Variants in PTPRG observed in about 807,000 individuals in gnomAD.
The protein encoded by PTPRG is receptor-type tyrosine-protein phosphatase gamma.
A neutral mutation model predicts 165.3 loss-of-function variants in PTPRG; 102 were observed. The observed-to-expected ratio is 0.62, with a 90% CI of 0.53 to 0.73. The LOEUF is 0.73. Among genes scored for constraint, PTPRG ranks in the 30% least tolerant of loss-of-function variants. PTPRG has a pLI of 0.00. For missense variants in PTPRG, 1,866 were observed against 1,861.4 expected (o/e 1.00, Z -0.05); for synonymous variants, 675 against 669.5 (o/e 1.01, Z -0.13).
At chr3:62,097,498 T>C (rs1702156730) in intron 5 of PTPRG, among the ~76,000 whole-genome samples, 1 of 150,302 alleles carries the variant, frequency 6.7e-6, no homozygotes, top group Non-Finnish European at 1.5e-5. Context: ...ATGAACGCGA[T>C]TGGTGGTGGG....
rs776924029 is a variant in PTPRG at position 62,293,330 on chromosome 3, A to C, written c.*23A>C. 7 of 1,528,360 alleles carry C rather than the reference A, an allele frequency of 4.6e-6. No homozygotes were observed. In the South Asian group the frequency reaches 6.6e-5, roughly 14 times the overall value. 94.7% of individuals were successfully genotyped at this position (1,528,360 alleles called of 1,614,324 possible). ...TGACTGGAATCCTGAAAGGGCACTT[A>C]ATTTGTAAACTTCTGAAGACTGAGA... On this transcript the variant is annotated 3_prime_UTR_variant, in exon 30 of 30. Transcript: ENST00000474889.
chr3:62,122,565 C>T (rs934697190), intron 5 of PTPRG, among the ~76,000 whole-genome samples: 9 of 152,224 alleles, frequency 5.9e-5, no homozygotes, highest in Admixed American at 1.3e-4. Flanking sequence ...CACTGCATAA[C>T]ACTCTGTGAC....
At chr3:62,093,661 G>A (rs575952457) in intron 5 of PTPRG, among the ~76,000 whole-genome samples, 1 of 152,334 alleles carries the variant, frequency 6.6e-6, no homozygotes, top group Non-Finnish European at 1.5e-5. Flanking sequence ...ATCAACTCAG[G>A]TACAAGGGAT....
intron 2 of PTPRG, among the ~76,000 whole-genome samples, chr3:61,946,924 A>G (rs764301398): frequency 6.6e-6 from 1 of 152,246 alleles, no homozygotes; most frequent in Non-Finnish European, 1.5e-5. Flanking sequence ...TAGACATGGT[A>G]TGATGAGAAA....
Position 62,132,616 on chromosome 3 carries a change from C to A in PTPRG, c.630C>A (p.Asp210Glu). The A allele has an allele frequency of 6.2e-7, 1 of 1,611,376 alleles. No individual in the cohort carries two copies. The highest frequency in any genetic ancestry group is 8.5e-7 in the Non-Finnish European group (1 of 1,177,506). ...TTTACATTTAGGTCAGTCCGAGGGA[C>A]AATTCTGCACTGGATCCTATTATCC... ...MAIFFQVSPR[D>E]NSALDPIIHG... The change falls in exon 6 of 30, where the codon GAC becomes GAA. Residue 210 changes from aspartate (D) to glutamate (E), a missense_variant. Asp to Glu is a conservative substitution (Grantham distance 45). This residue lies in a region of PTPRG where 408 missense variants were observed against 376.2 expected (regional missense o/e 1.08). Transcript: ENST00000474889.
chr3:61,815,755 T>G (rs1279640178), intron 2 of PTPRG, among the ~76,000 whole-genome samples: 1 of 152,250 alleles, frequency 6.6e-6, no homozygotes, highest in East Asian at 1.9e-4. Context: ...CCCACACATC[T>G]ATCCAATAAA....
At chr3:61,897,123 T>A (rs191228043) in intron 2 of PTPRG, among the ~76,000 whole-genome samples, 1 of 152,236 alleles carries the variant, frequency 6.6e-6, no homozygotes, top group Admixed American at 6.5e-5. Flanking sequence ...CTTTTATAGA[T>A]CATGCTCTTA....
At chr3:62,031,538 C>T (rs1001032644) in intron 4 of PTPRG, among the ~76,000 whole-genome samples, 15 of 152,156 alleles carry the variant, frequency 9.9e-5, no homozygotes, top group East Asian at 3.9e-4. Flanking sequence ...GAGAATCCTT[C>T]GAAGCGTTCT....
intron 1 of PTPRG, among the ~76,000 whole-genome samples, chr3:61,649,683 A>G (rs1205111859): frequency 1.3e-5 from 2 of 152,242 alleles, no homozygotes; most frequent in Non-Finnish European, 2.9e-5. Context: ...AAATCAGCAT[A>G]ATATGACAAC....
intron 5 of PTPRG, among the ~76,000 whole-genome samples, chr3:62,102,414 A>T (rs148170569): frequency 1.8e-4 from 27 of 152,260 alleles, no homozygotes; most frequent in South Asian, 8.3e-4. Context: ...AGCGTGGGAC[A>T]GGTGCACGCC....
intron 2 of PTPRG, among the ~76,000 whole-genome samples, chr3:61,815,269 G>T (rs2035722288): frequency 6.6e-6 from 1 of 150,642 alleles, no homozygotes; most frequent in African/African-American, 2.4e-5. Context: ...AATCAGTTGG[G>T]CATGGTGATG....
chr3:61,624,674 C>T (rs939828280), intron 1 of PTPRG, among the ~76,000 whole-genome samples: 1 of 152,154 alleles, frequency 6.6e-6, no homozygotes, highest in Admixed American at 6.5e-5. Context: ...GATACTTAAC[C>T]TCAGGTTCTG....
intron 1 of PTPRG, among the ~76,000 whole-genome samples, chr3:61,673,589 T>G (rs1443907614): frequency 6.6e-6 from 1 of 152,258 alleles, no homozygotes; most frequent in Non-Finnish European, 1.5e-5. Context: ...TTGTTTGTAC[T>G]AGTTTATTAT....
chr3:61,567,559 G>T (rs1699942390), intron 1 of PTPRG, among the ~76,000 whole-genome samples: 1 of 151,362 alleles, frequency 6.6e-6, no homozygotes, highest in South Asian at 2.1e-4. Context: ...CCCACTACTT[G>T]GGAGGCCAAG....
At chr3:62,075,807 C>G (rs1701361837) in intron 4 of PTPRG, among the ~76,000 whole-genome samples, 1 of 152,130 alleles carries the variant, frequency 6.6e-6, no homozygotes, top group African/African-American at 2.4e-5. Context: ...CAGTCTATTA[C>G]AGAAAATAGC....
At chr3:62,146,531 C>A (rs1316239094) in intron 6 of PTPRG, among the ~76,000 whole-genome samples, 1 of 152,042 alleles carries the variant, frequency 6.6e-6, no homozygotes, top group Non-Finnish European at 1.5e-5. Flanking sequence ...AATCCTCTGC[C>A]TGCTGATGGA....
At chr3:61,579,782 A>C (rs1369779839) in intron 1 of PTPRG, among the ~76,000 whole-genome samples, 1 of 152,250 alleles carries the variant, frequency 6.6e-6, no homozygotes, top group Admixed American at 6.5e-5. Flanking sequence ...GAGCGAGGAC[A>C]GAAGGCTAAC....
intron 1 of PTPRG, among the ~76,000 whole-genome samples, chr3:61,730,885 G>A (rs1245624595): frequency 6.6e-6 from 1 of 152,170 alleles, no homozygotes; most frequent in Non-Finnish European, 1.5e-5. Context: ...GAAAGATTGG[G>A]AACTGGATTT....
At chr3:62,120,036 C>T (rs1430863833) in intron 5 of PTPRG, among the ~76,000 whole-genome samples, 1 of 152,096 alleles carries the variant, frequency 6.6e-6, no homozygotes, top group African/African-American at 2.4e-5. Context: ...CCAGGCCACA[C>T]CCTCAGGTCA....
Sources: allele counts gnomAD v4.1 joint callset (sites outside exome capture counted in the v4.1 genomes callset), GRCh38; gene constraint gnomAD v4.1.1; regional missense constraint gnomAD v4.1.1; transcripts MANE v1.5; gene names NCBI Gene and HGNC (gene_info 2026-07-23, HGNC 2026-07-21).